MAGI2: variants seen among roughly 807,000 people sequenced by gnomAD.
MAGI2 encodes the protein membrane associated guanylate kinase, WW and PDZ domain containing 2, also known as membrane-associated guanylate kinase, WW and PDZ domain-containing protein 2.
Under a neutral mutation model 133.3 loss-of-function variants are expected in MAGI2, and 35 were observed. That is an observed-to-expected ratio of 0.26 (90% CI 0.20 to 0.35). The LOEUF (loss-of-function observed/expected upper bound fraction) is 0.35, where lower values mean the gene tolerates loss of function less well. MAGI2 is among the 10% of genes least tolerant of loss of function. The pLI is 1.00. For synonymous variants in MAGI2, 729 were observed against 710.6 expected (o/e 1.03, Z -0.41); for missense variants, 1,636 against 1,863.4 (o/e 0.88, Z 2.25).
At chr7:79,109,501 C>G (rs997684427) in intron 1 of MAGI2, among the ~76,000 whole-genome samples, 1 of 152,200 alleles carries the variant, frequency 6.6e-6, no homozygotes, top group African/African-American at 2.4e-5. Flanking sequence ...AGGAGCAAAG[C>G]ATTCAAGCTG....
At chr7:78,397,298 T>C (rs1419148955) in intron 6 of MAGI2, among the ~76,000 whole-genome samples, 2 of 151,474 alleles carry the variant, frequency 1.3e-5, no homozygotes, top group Non-Finnish European at 2.9e-5. Flanking sequence ...AAAAATACAC[T>C]GGCGTCAAGG....
intron 5 of MAGI2, among the ~76,000 whole-genome samples, chr7:78,497,468 C>A (rs893700826): frequency 1.5e-4 from 23 of 152,108 alleles, no homozygotes; most frequent in African/African-American, 5.5e-4. Flanking sequence ...GCAGAAAAAA[C>A]CTTTCCCTCT....
chr7:78,385,984 CAG>C (rs1795347996), intron 6 of MAGI2, among the ~76,000 whole-genome samples: 1 of 42,124 alleles, frequency 2.4e-5, no homozygotes, highest in South Asian at 6.1e-4. Flanking sequence ...CTGATTCAAA[CAG>C]AGCAAAACTT....
chr7:79,239,342 A>T (rs576907311), intron 1 of MAGI2, among the ~76,000 whole-genome samples: 83 of 152,236 alleles, frequency 5.5e-4, no homozygotes, highest in Non-Finnish European at 9.7e-4. Context: ...TCGACCTCAT[A>T]GTTCACTATT....
chr7:78,911,221 A>T (rs201066551), intron 2 of MAGI2, among the ~76,000 whole-genome samples: 1 of 152,342 alleles, frequency 6.6e-6, no homozygotes, highest in East Asian at 1.9e-4. Flanking sequence ...ATTCTTTAAC[A>T]TTGAGGGTGA....
chr7:79,426,488 A>T (rs187655188), intron 1 of MAGI2, among the ~76,000 whole-genome samples: 2 of 152,292 alleles, frequency 1.3e-5, no homozygotes, highest in East Asian at 3.9e-4. Context: ...TTATGAAATT[A>T]AGAAATTTCT....
At chr7:78,557,028 T>G (rs1584621652) in intron 3 of MAGI2, among the ~76,000 whole-genome samples, 1 of 142,556 alleles carries the variant, frequency 7.0e-6, no homozygotes, top group East Asian at 2.0e-4. Flanking sequence ...CAGATGGAGC[T>G]TGCAGTGAGC....
chr7:78,019,930 C>G lies in MAGI2; in HGVS notation c.3753G>C (p.Leu1251=). The change falls in exon 22 of 22, where the codon CTG becomes CTC. Residue 1251 remains leucine, a synonymous_variant. Transcript: ENST00000354212. ...CGTCCAGGGAGACGCCTACTTCCGG[C>G]AGACCTGGGGCGGCGGCAGCGGGAG... The part of the protein sequence containing the change: ...WSSPAAAAPG[L]PEVGVSLDDG... 1.9e-6 allele frequency: 3 copies of G among 1,609,764 alleles called. No homozygotes were observed. Among genetic ancestry groups the G allele is most frequent in the Non-Finnish European group, 2.5e-6 (3 of 1,178,516 alleles).
At chr7:79,216,202 G>A (rs1158828777) in intron 1 of MAGI2, among the ~76,000 whole-genome samples, 12 of 151,876 alleles carry the variant, frequency 7.9e-5, no homozygotes, top group Non-Finnish European at 4.4e-5. Context: ...GAGGAGTTTG[G>A]CTGGGGATGG....
chr7:78,905,420 T>G (rs899670809), intron 2 of MAGI2, among the ~76,000 whole-genome samples: 3 of 152,214 alleles, frequency 2.0e-5, no homozygotes, highest in Non-Finnish European at 4.4e-5. Flanking sequence ...TGTATGACCT[T>G]GGATAGGGCA....
At chr7:79,429,886 T>C (rs936177139) in intron 1 of MAGI2, among the ~76,000 whole-genome samples, 1 of 152,136 alleles carries the variant, frequency 6.6e-6, no homozygotes, top group Non-Finnish European at 1.5e-5. Flanking sequence ...TTACAAGTTA[T>C]AGTCAAGTTA....
chr7:78,339,000 C>CAAACAAAT (rs772198708), intron 9 of MAGI2, among the ~76,000 whole-genome samples: 1 of 140,896 alleles, frequency 7.1e-6, no homozygotes, highest in Non-Finnish European at 1.6e-5. Context: ...AACAAACAAA[C>CAAACAAAT]AAACAAACAA....
At chr7:78,080,425 C>G (rs1296004630) in intron 20 of MAGI2, among the ~76,000 whole-genome samples, 1 of 152,206 alleles carries the variant, frequency 6.6e-6, no homozygotes, top group South Asian at 2.1e-4. Flanking sequence ...TTCAGGTTTC[C>G]TTAATTGTCT....
chr7:79,212,392 T>TA (rs1178465150), intron 1 of MAGI2, among the ~76,000 whole-genome samples: 1 of 152,108 alleles, frequency 6.6e-6, no homozygotes, highest in African/African-American at 2.4e-5. Flanking sequence ...ATGGACTATG[T>TA]ACATTTTAAA....
At chr7:79,156,558 C>T (rs2129547366) in intron 1 of MAGI2, among the ~76,000 whole-genome samples, 1 of 152,212 alleles carries the variant, frequency 6.6e-6, no homozygotes, top group East Asian at 1.9e-4. Flanking sequence ...CAAACTCAAC[C>T]AATTGTCAAC....
intron 6 of MAGI2, among the ~76,000 whole-genome samples, chr7:78,408,590 G>A (rs1445340934): frequency 1.3e-5 from 2 of 151,980 alleles, no homozygotes; most frequent in East Asian, 3.9e-4. Context: ...TGTAACCTTG[G>A]TCAATTAGTA....
At chr7:79,297,476 G>T (rs187779545) in intron 1 of MAGI2, among the ~76,000 whole-genome samples, 1 of 152,040 alleles carries the variant, frequency 6.6e-6, no homozygotes, top group Admixed American at 6.6e-5. Context: ...TTGACTAAGA[G>T]CCTCAGTTAA....
intron 2 of MAGI2, among the ~76,000 whole-genome samples, chr7:78,750,184 A>G (rs1435166882): frequency 6.6e-6 from 1 of 152,170 alleles, no homozygotes; most frequent in Non-Finnish European, 1.5e-5. Flanking sequence ...TTCCAGCTTC[A>G]TATATGTCCT....
At chr7:78,051,610 A>G (rs1812008640) in intron 21 of MAGI2, among the ~76,000 whole-genome samples, 1 of 152,072 alleles carries the variant, frequency 6.6e-6, no homozygotes, top group Non-Finnish European at 1.5e-5. Context: ...TTTGAGACAG[A>G]GTCTGGCTCT....
Sources: gnomAD v4.1 joint callset for allele counts (sites outside exome capture counted in the v4.1 genomes callset) on GRCh38, gnomAD v4.1.1 for gene constraint, MANE v1.5 for transcripts, NCBI Gene and HGNC (gene_info 2026-07-23, HGNC 2026-07-21) for gene names.